KIF16B: variants seen among roughly 807,000 people sequenced by gnomAD.
The protein encoded by KIF16B is kinesin family member 16B.
KIF16B carries 98 observed loss-of-function variants against 156.3 expected under a neutral mutation model. The ratio of observed to expected loss-of-function variants is 0.63; its 90% CI spans 0.53 to 0.74. The LOEUF (loss-of-function observed/expected upper bound fraction) is 0.74. Ranked by LOEUF, KIF16B falls within the 30% of genes least tolerant of loss-of-function variation. KIF16B has a pLI of 0.00. For synonymous variants in KIF16B, 564 were observed against 583.7 expected (o/e 0.97, Z 0.49); for missense variants, 1,421 against 1,606.5 (o/e 0.88, Z 1.97).
At chr20:16,284,954 G>A (rs1196488873) in intron 25 of KIF16B, among the ~76,000 whole-genome samples, 1 of 152,176 alleles carries the variant, frequency 6.6e-6, no homozygotes, top group African/African-American at 2.4e-5. Context: ...CTTGTGCTGT[G>A]CCCAGTACGA....
intron 3 of KIF16B, among the ~76,000 whole-genome samples, chr20:16,518,940 CT>C (rs1261347621): frequency 6.6e-6 from 1 of 152,130 alleles, no homozygotes; most frequent in African/African-American, 2.4e-5. Flanking sequence ...CACACCACTC[CT>C]TCTCGTCCAC....
intron 24 of KIF16B, among the ~76,000 whole-genome samples, chr20:16,317,722 C>T (rs1423036994): frequency 6.6e-6 from 1 of 152,244 alleles, no homozygotes; most frequent in Non-Finnish European, 1.5e-5. Flanking sequence ...GTCGGCCAGG[C>T]AGCAGCATCC....
intron 25 of KIF16B, among the ~76,000 whole-genome samples, chr20:16,293,978 A>C (rs961622177): frequency 6.6e-6 from 1 of 152,006 alleles, no homozygotes; most frequent in East Asian, 1.9e-4. Context: ...CAGCACCTAA[A>C]ATTTTTTAAA....
intron 2 of KIF16B, among the ~76,000 whole-genome samples, chr20:16,527,466 GC>G: frequency 6.6e-6 from 1 of 152,322 alleles, no homozygotes; most frequent in South Asian, 2.1e-4. Context: ...ATCTGACTTG[GC>G]CATGGAGCAT....
chr20:16,275,695 AT>A (rs1254826605), intron 25 of KIF16B, among the ~76,000 whole-genome samples: 1 of 152,216 alleles, frequency 6.6e-6, no homozygotes, highest in Non-Finnish European at 1.5e-5. Flanking sequence ...GAAATTAGGT[AT>A]TGGTAAGAAG....
intron 12 of KIF16B, among the ~76,000 whole-genome samples, chr20:16,431,938 A>ACACACACACACG (rs1163376065): frequency 2.0e-5 from 3 of 150,262 alleles, no homozygotes; most frequent in Non-Finnish European, 4.4e-5. Flanking sequence ...ACACACACAC[A>ACACACACACACG]CGCACAAGTT....
At chr20:16,448,448 C>A (rs2066991742) in intron 12 of KIF16B, among the ~76,000 whole-genome samples, 1 of 152,086 alleles carries the variant, frequency 6.6e-6, no homozygotes, top group Admixed American at 6.5e-5. Flanking sequence ...TGTAGACCAC[C>A]TAGCCCAGTC....
At position 16,506,086 on chromosome 20, in the gene KIF16B, C is replaced by T; in HGVS notation, c.804G>A (p.Arg268=). The change falls in exon 8 of 26, where the codon AGG becomes AGA. Residue 268 remains arginine, a synonymous_variant. Coordinates refer to ENST00000354981, the MANE Select transcript of KIF16B (RefSeq NM_024704.5). The part of the protein sequence containing the change: ...RADATGATGV[R]LKEGGNINKS... ...TGTTAATATTTCCCCCTTCCTTTAGCCTAACCCCGGTGGCTCCGGTGGCAT... is the reference window on the plus strand; with the variant it reads ...TGTTAATATTTCCCCCTTCCTTTAGTCTAACCCCGGTGGCTCCGGTGGCAT... 2 of 1,614,114 alleles carry T rather than the reference C, an allele frequency of 1.2e-6. No individual in the cohort carries two copies. The highest frequency in any genetic ancestry group is 1.7e-6 in the Non-Finnish European group (2 of 1,180,002).
chr20:16,567,946 C>T (rs1456503304), intron 1 of KIF16B, among the ~76,000 whole-genome samples: 12 of 152,196 alleles, frequency 7.9e-5, no homozygotes, highest in South Asian at 2.1e-4. Flanking sequence ...AGCGAGACTT[C>T]GTCTCAAAAA....
At chr20:16,522,564 A>C (rs6034515) in intron 3 of KIF16B, among the ~76,000 whole-genome samples, 59 of 152,150 alleles carry the variant, frequency 3.9e-4, no homozygotes, top group Middle Eastern at 3.4e-3. Context: ...CCCACACAAT[A>C]ATAGTGGGAG....
At chr20:16,485,346 T>C (rs927049328) in intron 12 of KIF16B, among the ~76,000 whole-genome samples, 3 of 151,732 alleles carry the variant, frequency 2.0e-5, no homozygotes, top group South Asian at 2.1e-4. Flanking sequence ...GTTTGTTCTA[T>C]AGAAAAAAAC....
chr20:16,533,163 G>A (rs1568654113), intron 1 of KIF16B, among the ~76,000 whole-genome samples: 1 of 152,212 alleles, frequency 6.6e-6, no homozygotes, highest in East Asian at 1.9e-4. Flanking sequence ...GGGATGACTG[G>A]CTGGGAAGGG....
At position 16,505,801 on chromosome 20, in the gene KIF16B, G is replaced by A. The variant is rs61738027; in HGVS notation, c.921C>T (p.Phe307=). 593 of 1,613,812 alleles carry A rather than the reference G, an allele frequency of 3.7e-4. 2 individuals are homozygous for A. In the African/African-American group the frequency reaches 7.1e-3, roughly 19 times the overall value. Residue 307 remains phenylalanine (F), a synonymous_variant, in exon 9 of 26, where the codon TTC becomes TTT. Transcript: ENST00000354981. ...TCAACACAGAATCCCTGTAAGGCAC[G>A]AAAACTTGCTTCTTCTTTGCAAGAG... The part of the protein sequence containing the change: ...ANTLAKKKQV[F]VPYRDSVLTW...
intron 23 of KIF16B, among the ~76,000 whole-genome samples, chr20:16,338,962 A>T (rs372584209): frequency 3.5e-4 from 53 of 152,334 alleles, no homozygotes; most frequent in African/African-American, 1.2e-3. Context: ...ATGACATCAA[A>T]AATTTTTCAG....
chr20:16,530,393 C>T (rs761996716), intron 1 of KIF16B, among the ~76,000 whole-genome samples: 2 of 152,190 alleles, frequency 1.3e-5, no homozygotes, highest in Non-Finnish European at 2.9e-5. Flanking sequence ...TTCTGTCTTG[C>T]TGGCTCTCTC....
At chr20:16,300,208 A>C (rs2063451805) in intron 25 of KIF16B, among the ~76,000 whole-genome samples, 1 of 152,188 alleles carries the variant, frequency 6.6e-6, no homozygotes, top group Non-Finnish European at 1.5e-5. Context: ...ATATAGACAG[A>C]CGTTGAACTT....
At chr20:16,349,946 T>C (rs1600186001) in intron 23 of KIF16B, among the ~76,000 whole-genome samples, 1 of 152,060 alleles carries the variant, frequency 6.6e-6, no homozygotes, top group South Asian at 2.1e-4. Context: ...CTGACTGGGG[T>C]ACTTGATAAT....
At chr20:16,298,499 G>T (rs2063423816) in intron 25 of KIF16B, among the ~76,000 whole-genome samples, 1 of 152,152 alleles carries the variant, frequency 6.6e-6, no homozygotes, top group Non-Finnish European at 1.5e-5. Flanking sequence ...TAGTTTATTT[G>T]TGTAGAGGTG....
At chr20:16,375,369 T>C (rs957600543) in intron 19 of KIF16B, among the ~76,000 whole-genome samples, 39 of 152,342 alleles carry the variant, frequency 2.6e-4, no homozygotes, top group African/African-American at 7.7e-4. Flanking sequence ...CAACACACCA[T>C]GATGCTGTCA....
Sources: gnomAD v4.1 joint callset for allele counts (sites outside exome capture counted in the v4.1 genomes callset) on GRCh38, gnomAD v4.1.1 for gene constraint, MANE v1.5 for transcripts, NCBI Gene and HGNC (gene_info 2026-07-23, HGNC 2026-07-21) for gene names.